Variants in LAMA4 observed in about 807,000 individuals in gnomAD.
LAMA4 encodes the protein laminin subunit alpha 4.
A neutral mutation model predicts 207.1 loss-of-function variants in LAMA4; 127 were observed. That is an observed-to-expected ratio of 0.61 (90% CI 0.53 to 0.71). The LOEUF (loss-of-function observed/expected upper bound fraction) is 0.71, where lower values mean the gene tolerates loss of function less well. Ranked by LOEUF, LAMA4 falls within the 30% of genes least tolerant of loss-of-function variation. The pLI is 0.00. For missense variants in LAMA4, 2,093 were observed against 2,246.5 expected, an observed-to-expected ratio of 0.93 and a Z score of 1.38; for synonymous variants, 761 against 816.0, an observed-to-expected ratio of 0.93 and a Z score of 1.15.
intron 30 of LAMA4, among the ~76,000 whole-genome samples, chr6:112,129,330 A>AT (rs1554328805): frequency 6.6e-6 from 1 of 151,794 alleles, no homozygotes; most frequent in Non-Finnish European, 1.5e-5. Context: ...CCCTCAACAC[A>AT]CTCTGGATGA....
At position 112,128,957 on chromosome 6, in the gene LAMA4, T is replaced by A. The variant is rs1554328565; in HGVS notation, c.4252A>T (p.Asn1418Tyr). The stretch of plus-strand genomic sequence containing the variant: ...TGACTTGCTTTAGGCTTGGATAAAT[T>A]TTTTCCTTTTTTATGGAGGAGAAAC... Reference protein sequence around the residue: ...PLFLLHKKGKNLSKPKASQNK... With the variant: ...PLFLLHKKGKYLSKPKASQNK... Residue 1418 changes from asparagine to tyrosine, a missense_variant, in exon 31 of 39, where the codon AAT becomes TAT. Asn to Tyr is a moderately radical substitution (Grantham distance 143). This residue lies in a region of LAMA4 where 1,704 missense variants were observed against 1,788.4 expected (regional missense o/e 0.95). Coordinates refer to ENST00000230538, the MANE Select transcript of LAMA4 (RefSeq NM_001105206.3). The A allele has an allele frequency of 1.2e-6, 2 of 1,613,472 alleles. No individual in the cohort carries two copies. The highest frequency in any genetic ancestry group is 1.7e-6 in the Non-Finnish European group (2 of 1,179,572).
rs2114487521 is a variant in LAMA4, at chr6:112,254,019, CCTG to C, written c.129_131del (p.Arg44del). Reference sequence around the variant, plus strand: ...GTTCGCTCGTCTCAGGCGGGTCTTGCCTGCCAACCGCTGAGCTCCCTTCAATGT... The same window carrying C: ...GTTCGCTCGTCTCAGGCGGGTCTTGCCCAACCGCTGAGCTCCCTTCAATGT... On this transcript the variant is annotated inframe_deletion, in exon 2 of 39. Coordinates refer to ENST00000230538, the MANE Select transcript of LAMA4 (RefSeq NM_001105206.3). The C allele has an allele frequency of 2.5e-6, 4 of 1,590,286 alleles. No homozygotes were observed. The East Asian group carries it at 9.1e-5, about 36-fold the overall frequency.
intron 13 of LAMA4, chr6:112,164,052 GC>G (rs1170832957): frequency 2.0e-5 from 3 of 152,404 alleles, no homozygotes; most frequent in Admixed American, 2.0e-4. Flanking sequence ...AAAGCAGGAA[GC>G]CAAGTCACCA....
Position 112,117,910 on chromosome 6 carries a change from AG to A in LAMA4, c.4822-13del. On this transcript the variant is annotated splice_polypyrimidine_tract_variant and intron_variant, in intron 34 of 38. Transcript: ENST00000230538. This position sits in a 1 kb window ranked among gnomAD's most constrained non-coding sequence, Gnocchi z 4.5. The stretch of plus-strand genomic sequence containing the variant: ...TAGATGGAGTTAATCTGAGGGAAGA[AG>A]ATATTTCTTAAAATCAATTTTCTCA... 1 of 1,612,106 alleles carries A rather than the reference AG, an allele frequency of 6.2e-7. No homozygotes were observed. The highest frequency in any genetic ancestry group is 2.2e-5 in the East Asian group (1 of 44,812).
At chr6:112,191,931 G>T in intron 5 of LAMA4, 81 bp from the exon 6 acceptor site, 2 of 1,049,634 alleles carry the variant, frequency 1.9e-6, no homozygotes, top group Non-Finnish European at 2.9e-6. Flanking sequence ...AAAGAAGAAA[G>T]ATGTAGTGGA....
At chr6:112,182,539 G>T (rs965796263) in intron 9 of LAMA4, among the ~76,000 whole-genome samples, 2 of 152,222 alleles carry the variant, frequency 1.3e-5, no homozygotes, top group Non-Finnish European at 2.9e-5. Context: ...AGGTTCAGAT[G>T]CTTTTGATGC....
chr6:112,153,893 A>ATAGT (rs35309124), intron 16 of LAMA4, among the ~76,000 whole-genome samples: 46,514 of 151,784 alleles, frequency 0.31, 7,531 homozygotes, highest in African/African-American at 0.42. Flanking sequence ...TGGGAAATAA[A>ATAGT]TAAGTATCTG....
At position 112,109,009 on chromosome 6, in the gene LAMA4, C is replaced by A; in HGVS notation, c.*428G>T. ...TTAGATTATATGTAAGTTAGTAAGT[C>A]TCTTCAAAATAAAGAAAGGTAGTTT... On this transcript the variant is annotated 3_prime_UTR_variant, in exon 39 of 39. Coordinates refer to ENST00000230538, the MANE Select transcript of LAMA4 (RefSeq NM_001105206.3). 1 of 208,622 alleles carries A rather than the reference C, an allele frequency of 4.8e-6. No homozygotes were observed. The highest frequency in any genetic ancestry group is 2.3e-5 in the African/African-American group (1 of 42,856). The allele number at this position is 208,622 out of a possible 1,614,324, so 12.9% of individuals were successfully genotyped here. A position where few individuals can be genotyped will look rare whatever the true frequency, so the allele number is the denominator to read the frequency against.
Position 112,122,034 on chromosome 6 carries a change from T to C in LAMA4, c.4455A>G (p.Leu1485=). The stretch of plus-strand genomic sequence containing the variant: ...TTTACTTGGCACCAAAATCTCCTTT[T>C]AAGTGTTCAAACTCTTGGCGGCTGT... ...TANSRQEFEH[L]KGDFGAKSQF... Residue 1485 remains leucine, a synonymous_variant, in exon 32 of 39, where the codon TTA becomes TTG. Coordinates refer to ENST00000230538, the MANE Select transcript of LAMA4 (RefSeq NM_001105206.3). 1 of 1,614,024 alleles carries C rather than the reference T, an allele frequency of 6.2e-7. No individual in the cohort carries two copies. Among genetic ancestry groups the C allele is most frequent in the Non-Finnish European group, 8.5e-7 (1 of 1,179,922 alleles).
intron 3 of LAMA4, among the ~76,000 whole-genome samples, chr6:112,210,894 A>T (rs1219761955): frequency 3.3e-5 from 5 of 152,218 alleles, no homozygotes; most frequent in Non-Finnish European, 5.9e-5. Flanking sequence ...TTTCAAATGA[A>T]TTTATAAGGA....
intron 14 of LAMA4, among the ~76,000 whole-genome samples, chr6:112,158,486 A>G (rs1363645284): frequency 6.6e-6 from 1 of 152,132 alleles, no homozygotes; most frequent in African/African-American, 2.4e-5. Flanking sequence ...TTTAAATAAA[A>G]AAGACCAGCT....
At chr6:112,157,842 G>A (rs544830649) in intron 14 of LAMA4, 2 of 152,230 alleles carry the variant, frequency 1.3e-5, no homozygotes, top group African/African-American at 4.8e-5. Flanking sequence ...TACCGAGTGG[G>A]ATATGGCACT....
Position 112,148,267 on chromosome 6 carries a change from A to C in LAMA4, c.2243T>G (p.Val748Gly). Residue 748 changes from valine to glycine, a missense_variant, in exon 18 of 39, where the codon GTG becomes GGG. This residue lies in a region of LAMA4 where 1,704 missense variants were observed against 1,788.4 expected (regional missense o/e 0.95). Coordinates refer to ENST00000230538, the MANE Select transcript of LAMA4 (RefSeq NM_001105206.3). ...TEEANRTTME[V>G]QQATAPMANN... ...GGCCATGGGGGCAGTGGCCTGCTGCACCTCCATCGTCGTCCTGTTGGCTTC... is the reference window on the plus strand; with the variant it reads ...GGCCATGGGGGCAGTGGCCTGCTGCCCCTCCATCGTCGTCCTGTTGGCTTC... 3 of 1,614,128 alleles carry C rather than the reference A, an allele frequency of 1.9e-6. No homozygotes were observed. The South Asian group carries it at 3.3e-5, about 18-fold the overall frequency.
chr6:112,234,392 G>A (rs539364054), intron 2 of LAMA4: 1 of 152,176 alleles, frequency 6.6e-6, no homozygotes, highest in South Asian at 2.1e-4. Context: ...CAGCTACTCA[G>A]TGACTAGCTG....
At chr6:112,115,587 A>C (rs1008442691) in intron 36 of LAMA4, among the ~76,000 whole-genome samples, 7 of 152,110 alleles carry the variant, frequency 4.6e-5, no homozygotes, top group Non-Finnish European at 7.4e-5. Flanking sequence ...TTGGTGAAAA[A>C]AAGTTCTTCT....
In LAMA4 at chr6:112,119,198, A is replaced by G. The variant is rs782425504; in HGVS notation, c.4779T>C (p.Tyr1593=). ...EATWKIKGPI[Y]LGGVAPGKAV... ...CCTTTCCAGGAGCCACACCTCCCAA[A>G]TAAATGGGACCCTTGATTTTCCAGG... Residue 1593 remains tyrosine (Y), a synonymous_variant, in exon 34 of 39, where the codon TAT becomes TAC. Coordinates refer to ENST00000230538, the MANE Select transcript of LAMA4 (RefSeq NM_001105206.3). 3 of 1,613,960 alleles carry G rather than the reference A, an allele frequency of 1.9e-6. No individual in the cohort carries two copies. In the African/African-American group the frequency reaches 4.0e-5, roughly 22 times the overall value.
chr6:112,133,374 C>G lies in LAMA4; in HGVS notation c.3671G>C (p.Gly1224Ala). ...LLEQTETLGV[G>A]YGCPEDSLIS... ...AAGTGAGTCTTCTGGGCATCCATAA[C>G]CAACTCCCAGGGTTTCTGTCTGCTC... Residue 1224 changes from glycine to alanine, a missense_variant, in exon 27 of 39, where the codon GGT becomes GCT. This residue lies in a region of LAMA4 where 1,704 missense variants were observed against 1,788.4 expected (regional missense o/e 0.95). Coordinates refer to ENST00000230538, the MANE Select transcript of LAMA4 (RefSeq NM_001105206.3). The G allele has an allele frequency of 1.9e-6, 3 of 1,613,778 alleles. No homozygotes were observed. Among genetic ancestry groups the G allele is most frequent in the Non-Finnish European group, 2.5e-6 (3 of 1,179,742 alleles).
In LAMA4 at chr6:112,155,660, C is replaced by G. The variant is rs1219097715; in HGVS notation, c.1864G>C (p.Asp622His). 1 of 1,613,970 alleles carries G rather than the reference C, an allele frequency of 6.2e-7. No individual in the cohort carries two copies. Among genetic ancestry groups the G allele is most frequent in the Non-Finnish European group, 8.5e-7 (1 of 1,179,942 alleles). The change falls in exon 15 of 39, where the codon GAT becomes CAT. Residue 622 changes from aspartate to histidine, a missense_variant. Physicochemically the swap from Asp to His is moderately conservative, Grantham distance 81. Around this residue, in one of 3 missense-constraint regions of LAMA4, gnomAD observed 1,704 missense variants for 1,788.4 expected, o/e 0.95. Coordinates refer to ENST00000230538, the MANE Select transcript of LAMA4 (RefSeq NM_001105206.3). ...DMNGLVQKAL[D>H]ASNVYENIVN... Reference sequence around the variant, plus strand: ...ATATTTTCATAGACATTTGATGCATCCAAAGCCTTCTGTACCAGCCCGTTC... The same window carrying G: ...ATATTTTCATAGACATTTGATGCATGCAAAGCCTTCTGTACCAGCCCGTTC...
chr6:112,242,259 A>G (rs1395344904), intron 2 of LAMA4, among the ~76,000 whole-genome samples: 1 of 152,250 alleles, frequency 6.6e-6, no homozygotes, highest in East Asian at 1.9e-4. Flanking sequence ...ACTTTATCTT[A>G]TCAGCTTCCT....
Sources: allele counts gnomAD v4.1 joint callset (sites outside exome capture counted in the v4.1 genomes callset), GRCh38; gene constraint gnomAD v4.1.1; regional missense constraint gnomAD v4.1.1; non-coding constraint Gnocchi (gnomAD v3.1); transcripts MANE v1.5; gene names NCBI Gene and HGNC (gene_info 2026-07-23, HGNC 2026-07-21).